Variants in ARHGAP19 observed in about 807,000 individuals in gnomAD.
The protein encoded by ARHGAP19 is Rho GTPase activating protein 19.
Under a neutral mutation model 60.9 loss-of-function variants are expected in ARHGAP19, and 48 were observed. The observed-to-expected ratio is 0.79, with a 90% CI of 0.62 to 1.00. The LOEUF (loss-of-function observed/expected upper bound fraction) is 1.00, where lower values mean the gene tolerates loss of function less well. ARHGAP19 is among the 50% of genes least tolerant of loss of function. The probability of loss-of-function intolerance (pLI) is 0.00; values close to 1 mark genes in which losing one functional copy is unlikely to be tolerated. For missense variants in ARHGAP19, 562 were observed against 597.2 expected, an observed-to-expected ratio of 0.94 and a Z score of 0.61; for synonymous variants, 209 against 215.5, an observed-to-expected ratio of 0.97 and a Z score of 0.27.
At chr10:97,267,141 C>T (rs1842908586) in intron 1 of ARHGAP19, among the ~76,000 whole-genome samples, 1 of 152,190 alleles carries the variant, frequency 6.6e-6, no homozygotes, top group South Asian at 2.1e-4. Context: ...AATGTGGGTA[C>T]AGGCATTGGG....
chr10:97,242,360 T>C (rs923490975), intron 8 of ARHGAP19, among the ~76,000 whole-genome samples: 3 of 101,566 alleles, frequency 3.0e-5, no homozygotes, highest in Admixed American at 1.1e-4. Context: ...TGAGACGGGG[T>C]TTCGCTCTTG....
In ARHGAP19 at chr10:97,265,893, A is replaced by G; in HGVS notation, c.289T>C (p.Phe97Leu). The change falls in exon 2 of 12, where the codon TTC (phenylalanine) becomes CTC (leucine). Residue 97 changes from phenylalanine (F) to leucine (L), a missense_variant. Transcript: ENST00000358531. Reference protein sequence around the residue: ...LPGGAGPASGFFRSLMSLKRK... With the variant: ...LPGGAGPASGLFRSLMSLKRK... ...TTGAGAGACATGAGAGACCGGAAGAATCCTGATGCTGGGCCAGCCCCGCCA... is the reference window on the plus strand; with the variant it reads ...TTGAGAGACATGAGAGACCGGAAGAGTCCTGATGCTGGGCCAGCCCCGCCA... 3 of 1,614,162 alleles carry G rather than the reference A, an allele frequency of 1.9e-6. No individual in the cohort carries two copies. Among genetic ancestry groups the G allele is most frequent in the Non-Finnish European group, 2.5e-6 (3 of 1,180,012 alleles).
At chr10:97,244,724 T>C (rs1001117889) in intron 7 of ARHGAP19, among the ~76,000 whole-genome samples, 13 of 152,176 alleles carry the variant, frequency 8.5e-5, no homozygotes, top group Non-Finnish European at 1.2e-4. Context: ...CAAATACTGT[T>C]TTCCTGGTAA....
At chr10:97,283,932 CT>C (rs926520287) in intron 1 of ARHGAP19, among the ~76,000 whole-genome samples, 10 of 146,848 alleles carry the variant, frequency 6.8e-5, no homozygotes, top group South Asian at 2.2e-4. Context: ...TTTTTCTTTC[CT>C]TTTTTTTTCT....
At chr10:97,290,637 G>A (rs1301233883) in intron 1 of ARHGAP19, among the ~76,000 whole-genome samples, 2 of 152,148 alleles carry the variant, frequency 1.3e-5, no homozygotes, top group South Asian at 2.1e-4. Flanking sequence ...AAGGACCCCC[G>A]GTAACATTTT....
At chr10:97,273,962 T>C (rs199646413) in intron 1 of ARHGAP19, among the ~76,000 whole-genome samples, 7 of 149,866 alleles carry the variant, frequency 4.7e-5, no homozygotes, top group East Asian at 2.0e-4. Context: ...AAGCCACACA[T>C]ACACACACAC....
intron 8 of ARHGAP19, among the ~76,000 whole-genome samples, chr10:97,235,969 T>A (rs1041789640): frequency 3.0e-4 from 45 of 152,126 alleles, no homozygotes; most frequent in African/African-American, 8.7e-4. Flanking sequence ...CTTTTCAGAT[T>A]GTTGATGATG....
intron 1 of ARHGAP19, among the ~76,000 whole-genome samples, chr10:97,268,736 T>C (rs1333415230): frequency 6.6e-6 from 1 of 152,150 alleles, no homozygotes; most frequent in Non-Finnish European, 1.5e-5. Flanking sequence ...ATGATTCAAT[T>C]ACCTCCCACT....
intron 1 of ARHGAP19, among the ~76,000 whole-genome samples, chr10:97,289,963 A>C (rs769776918): frequency 3.9e-5 from 6 of 152,182 alleles, no homozygotes; most frequent in Non-Finnish European, 7.4e-5. Flanking sequence ...ATTTTCACCA[A>C]AATTTAGAAA....
chr10:97,255,836 T>C lies in ARHGAP19; in HGVS notation c.927+482A>G, dbSNP rs112085399. On this transcript the variant is annotated intron_variant, in intron 6 of 11. Coordinates refer to ENST00000358531, the MANE Select transcript of ARHGAP19 (RefSeq NM_032900.6). ...CAGGTGACCAAGGTAGGGAAAGATT[T>C]ATCTTCAAAAGATTTGTATATGTGG... 6.2e-4 allele frequency among the ~76,000 whole-genome samples: 95 copies of C among 152,208 alleles called. 2 individuals are homozygous for C. Among genetic ancestry groups the C allele is most frequent in the African/African-American group, 1.6e-3 (68 of 41,530 alleles).
In ARHGAP19 at chr10:97,222,866, G is replaced by A. The variant is rs1283539187; in HGVS notation, c.*3256C>T. The A allele has an allele frequency of 1.3e-5, 2 of 152,194 alleles. No individual in the cohort carries two copies. Among genetic ancestry groups the A allele is most frequent in the African/African-American group, 4.8e-5 (2 of 41,430 alleles). The allele number at this position is 152,194 out of a possible 1,614,324, so 9.4% of individuals were successfully genotyped here. A position where few individuals can be genotyped will look rare whatever the true frequency, so the allele number is the denominator to read the frequency against. On this transcript the variant is annotated 3_prime_UTR_variant, in exon 12 of 12. Coordinates refer to ENST00000358531, the MANE Select transcript of ARHGAP19 (RefSeq NM_032900.6). ...ATCTGTGTGAGGCCTTGTAGGAAAG[G>A]AGACAGAGTCTAGAGACATCTATTC...
At chr10:97,270,590 T>C (rs779456011) in intron 1 of ARHGAP19, 1 of 1,540,452 alleles carries the variant, frequency 6.5e-7, no homozygotes, top group South Asian at 1.2e-5. Context: ...TTCAAGAAAA[T>C]AAATACATTT....
intron 1 of ARHGAP19, among the ~76,000 whole-genome samples, chr10:97,286,817 G>GT (rs1843162359): frequency 6.6e-6 from 1 of 152,154 alleles, no homozygotes. Flanking sequence ...TAAGCTGTGC[G>GT]TATTTCCCTA....
intron 1 of ARHGAP19, among the ~76,000 whole-genome samples, chr10:97,290,046 A>G (rs1200143345): frequency 1.3e-5 from 2 of 152,168 alleles, no homozygotes. Flanking sequence ...GGCAAAAAAA[A>G]AAAATGATCA....
chr10:97,252,348 C>T (rs1393762988), intron 6 of ARHGAP19, among the ~76,000 whole-genome samples: 11 of 147,732 alleles, frequency 7.4e-5, no homozygotes, highest in African/African-American at 2.5e-4. Flanking sequence ...ATAGCCCGGG[C>T]GCGGTGGCTC....
rs563917242 is a variant in ARHGAP19 at position 97,226,343 on chromosome 10, G to A, written c.1475-211C>T. Among the ~76,000 whole-genome samples the A allele has an allele frequency of 1.3e-3, 199 of 152,276 alleles. 1 individual carries two copies. Among genetic ancestry groups the A allele is most frequent in the African/African-American group, 4.7e-3 (196 of 41,548 alleles). ...ATCTTAATGGCCGTAACAGCTAACA[G>A]TAAGTACATATTTTGTGCTGCTCTA... On this transcript the variant is annotated intron_variant, in intron 11 of 11. Coordinates refer to ENST00000358531, the MANE Select transcript of ARHGAP19 (RefSeq NM_032900.6).
chr10:97,288,087 T>C (rs1271498097), intron 1 of ARHGAP19, among the ~76,000 whole-genome samples: 1 of 151,920 alleles, frequency 6.6e-6, no homozygotes, highest in Non-Finnish European at 1.5e-5. Flanking sequence ...AAATAAATAT[T>C]TTATTAAAAG....
chr10:97,246,480 C>T (rs780290868), intron 6 of ARHGAP19, 143 bp from the exon 7 acceptor site: 1 of 634,528 alleles, frequency 1.6e-6, no homozygotes, highest in Non-Finnish European at 2.8e-6. Flanking sequence ...TTCATAGCCC[C>T]TCCATAGCTT....
rs1485334834 is a variant in ARHGAP19, at chr10:97,263,398, CCTT to C, written c.613+19_613+21del. Reference sequence around the variant, plus strand: ...AATTGAAAGAAATGTATTTACATCTCCTTCTTACTTCCTATACTCACCAGCGAT... The same window carrying C: ...AATTGAAAGAAATGTATTTACATCTCCTTACTTCCTATACTCACCAGCGAT... On this transcript the variant is annotated intron_variant, in intron 4 of 11. Coordinates refer to ENST00000358531, the MANE Select transcript of ARHGAP19 (RefSeq NM_032900.6). 3.7e-5 allele frequency: 59 copies of C among 1,607,978 alleles called. No homozygotes were observed. Among genetic ancestry groups the C allele is most frequent in the Non-Finnish European group, 4.9e-5 (57 of 1,174,594 alleles).
Sources: allele counts gnomAD v4.1 joint callset (sites outside exome capture counted in the v4.1 genomes callset), GRCh38; gene constraint gnomAD v4.1.1; transcripts MANE v1.5; gene names NCBI Gene and HGNC (gene_info 2026-07-23, HGNC 2026-07-21).